The following CDH18 variants were observed in gnomAD, a reference collection of about 807,000 sequenced individuals.
The protein encoded by CDH18 is cadherin 18.
In CDH18, 31 loss-of-function variants were observed where a neutral mutation model predicts 67.9. The observed-to-expected ratio is 0.46, with a 90% CI of 0.34 to 0.62. CDH18 has a LOEUF of 0.62. CDH18 is among the 20% of genes least tolerant of loss of function. The pLI, the probability that CDH18 is intolerant of heterozygous loss-of-function variation, is 0.01. For missense variants in CDH18, 890 were observed against 975.5 expected (o/e 0.91, Z 1.17); for synonymous variants, 362 against 347.2 (o/e 1.04, Z -0.48).
intron 2 of CDH18, among the ~76,000 whole-genome samples, chr5:20,229,724 T>A (rs983021724): frequency 6.6e-6 from 1 of 152,080 alleles, no homozygotes; most frequent in Non-Finnish European, 1.5e-5. Context: ...ATTTTTGCCT[T>A]CTTTTTTGGA....
intron 2 of CDH18, among the ~76,000 whole-genome samples, chr5:20,138,343 C>T (rs1236174765): frequency 2.6e-5 from 4 of 152,040 alleles, no homozygotes; most frequent in Admixed American, 6.6e-5. Context: ...TTATGACATA[C>T]CCACAGCCAA....
At chr5:19,511,421 T>A (rs1321307726) in intron 10 of CDH18, among the ~76,000 whole-genome samples, 1 of 152,066 alleles carries the variant, frequency 6.6e-6, no homozygotes, top group African/African-American at 2.4e-5. Context: ...AGGCAGAGGT[T>A]GGAACAGTTT....
chr5:19,967,625 A>G (rs1306420501), intron 2 of CDH18, among the ~76,000 whole-genome samples: 2 of 152,144 alleles, frequency 1.3e-5, no homozygotes, highest in African/African-American at 4.8e-5. Context: ...GGCATAGCAC[A>G]TATTTTCATT....
rs147985220 is a variant in CDH18 at position 19,836,448 on chromosome 5, T to A, written c.228+2311A>T. 5.7e-3 allele frequency among the ~76,000 whole-genome samples: 871 copies of A among 152,342 alleles called. 3 individuals are homozygous for A. Among genetic ancestry groups the A allele is most frequent in the South Asian group, 0.017 (80 of 4,830 alleles). The stretch of plus-strand genomic sequence containing the variant: ...GATGTACTTTTCTTCATATGTTTGT[T>A]GGCTGCATAAATTTCTTCTTTTGAG... On this transcript the variant is annotated intron_variant, in intron 3 of 12. Coordinates refer to ENST00000382275, the MANE Select transcript of CDH18 (RefSeq NM_004934.5).
intron 3 of CDH18, among the ~76,000 whole-genome samples, chr5:19,813,548 T>C (rs1353801708): frequency 2.6e-5 from 4 of 152,118 alleles, no homozygotes; most frequent in African/African-American, 9.7e-5. Context: ...CTATATATTA[T>C]TTAATGATAA....
At chr5:19,804,250 C>T (rs975614388) in intron 3 of CDH18, among the ~76,000 whole-genome samples, 3 of 149,598 alleles carry the variant, frequency 2.0e-5, no homozygotes, top group Non-Finnish European at 3.0e-5. Context: ...TGCAGTGAGC[C>T]GAGATCGCAC....
chr5:19,896,692 T>C (rs1789380604), intron 2 of CDH18, among the ~76,000 whole-genome samples: 2 of 152,202 alleles, frequency 1.3e-5, no homozygotes, highest in African/African-American at 4.8e-5. Context: ...CGGAAATCTG[T>C]TACTAATTAC....
At chr5:19,648,053 A>T (rs1291043412) in intron 5 of CDH18, among the ~76,000 whole-genome samples, 1 of 152,304 alleles carries the variant, frequency 6.6e-6, no homozygotes, top group South Asian at 2.1e-4. Flanking sequence ...CATTGAGGTG[A>T]AGTCTTAGAT....
Position 20,431,056 on chromosome 5 carries a change from A to T in CDH18, c.-580+144406T>A, listed in dbSNP as rs543402275. On this transcript the variant is annotated intron_variant, in intron 1 of 14. Transcript: ENST00000507958. ...AATTTCTATATATGCTATGCATTTT[A>T]AAATCTATTTTATAGTGAAATCTAC... is the stretch of plus-strand genomic sequence containing the variant. 5.3e-5 allele frequency among the ~76,000 whole-genome samples: 8 copies of T among 152,310 alleles called. No individual in the cohort carries two copies. In the South Asian group the frequency reaches 1.4e-3, roughly 28 times the overall value.
intron 1 of CDH18, among the ~76,000 whole-genome samples, chr5:20,384,910 C>T (rs1021435603): frequency 2.0e-5 from 3 of 152,088 alleles, no homozygotes; most frequent in Non-Finnish European, 2.9e-5. Flanking sequence ...GATCGCGGCT[C>T]GCTGCAACCT....
chr5:19,652,633 T>C (rs1755751477), intron 5 of CDH18, among the ~76,000 whole-genome samples: 1 of 151,708 alleles, frequency 6.6e-6, no homozygotes, highest in Non-Finnish European at 1.5e-5. Context: ...ATTCTGAAAG[T>C]GTTGGGGTTG....
intron 1 of CDH18, among the ~76,000 whole-genome samples, chr5:20,374,939 T>C (rs1488942118): frequency 6.6e-6 from 1 of 152,156 alleles, no homozygotes; most frequent in Non-Finnish European, 1.5e-5. Flanking sequence ...CTAGTAACAA[T>C]ATAAATGTAC....
chr5:20,149,036 T>C (rs1750888240), intron 2 of CDH18, among the ~76,000 whole-genome samples: 1 of 152,158 alleles, frequency 6.6e-6, no homozygotes, highest in Admixed American at 6.6e-5. Flanking sequence ...ATCTCCTGCA[T>C]TAAATTGATG....
intron 6 of CDH18, among the ~76,000 whole-genome samples, chr5:19,595,312 A>T (rs1172788207): frequency 6.6e-6 from 1 of 152,232 alleles, no homozygotes; most frequent in Non-Finnish European, 1.5e-5. Flanking sequence ...TACACCGTAA[A>T]CTAGAAAACA....
chr5:20,288,748 C>T (rs1746878918), intron 1 of CDH18, among the ~76,000 whole-genome samples: 1 of 151,816 alleles, frequency 6.6e-6, no homozygotes, highest in African/African-American at 2.4e-5. Context: ...CTTACATGCA[C>T]ACACACACGT....
At chr5:19,506,607 T>G (rs529095545) in intron 10 of CDH18, among the ~76,000 whole-genome samples, 141 of 151,404 alleles carry the variant, frequency 9.3e-4, no homozygotes, top group South Asian at 3.1e-3. Context: ...TAATGCTGCA[T>G]ATCTACATCT....
chr5:19,935,833 T>TCTCA, intron 2 of CDH18, among the ~76,000 whole-genome samples: 1 of 149,746 alleles, frequency 6.7e-6, no homozygotes, highest in East Asian at 2.0e-4. Flanking sequence ...TCTCTCACTC[T>TCTCA]CTCTCTGTCC....
At chr5:19,994,723 A>ATG (rs1735771845) in intron 2 of CDH18, among the ~76,000 whole-genome samples, 2 of 23,474 alleles carry the variant, frequency 8.5e-5, no homozygotes, top group Non-Finnish European at 1.5e-4. Context: ...ATATATATAT[A>ATG]TATATATATA....
At chr5:19,900,021 G>A (rs115116252) in intron 2 of CDH18, among the ~76,000 whole-genome samples, 1,906 of 152,200 alleles carry the variant, frequency 0.013, 35 homozygotes, top group African/African-American at 0.044. Context: ...GTACAACACT[G>A]TTCCTATAGG....
Sources: allele counts gnomAD v4.1 joint callset (sites outside exome capture counted in the v4.1 genomes callset), GRCh38; gene constraint gnomAD v4.1.1; transcripts MANE v1.5; gene names NCBI Gene and HGNC (gene_info 2026-07-23, HGNC 2026-07-21).